The following SNX29 variants were observed in gnomAD, a reference collection of about 807,000 sequenced individuals.
SNX29 encodes sorting nexin-29.
SNX29 carries 78 observed loss-of-function variants against 102.1 expected under a neutral mutation model. The ratio of observed to expected loss-of-function variants is 0.76; its 90% CI spans 0.64 to 0.92. SNX29 has a LOEUF of 0.92. SNX29 is among the 40% of genes least tolerant of loss of function. The pLI, the probability that SNX29 is intolerant of heterozygous loss-of-function variation, is 0.00. For missense variants in SNX29, 1,280 were observed against 1,061.7 expected (o/e 1.21, Z -2.86); for synonymous variants, 580 against 414.5 (o/e 1.40, Z -4.85).
intron 13 of SNX29, among the ~76,000 whole-genome samples, chr16:12,158,360 C>A (rs906021619): frequency 6.6e-6 from 1 of 152,042 alleles, no homozygotes; most frequent in South Asian, 2.1e-4. Context: ...CCACCACACC[C>A]GGCTAATTTT....
rs1354351009 is a variant in SNX29 at position 12,150,814 on chromosome 16, T to TTTA, written c.1595+21058_1595+21060dup. On this transcript the variant is annotated intron_variant, in intron 13 of 20. Coordinates refer to ENST00000566228, the MANE Select transcript of SNX29 (RefSeq NM_032167.5). Reference sequence around the variant, plus strand: ...ATTGGGGCTAATTTGTTTTTGCTCTTTTATCTGAATTGGAAATTGCTCAGC... The same window carrying TTTA: ...ATTGGGGCTAATTTGTTTTTGCTCTTTTATTATCTGAATTGGAAATTGCTCAGC... 7.2e-5 allele frequency among the ~76,000 whole-genome samples: 11 copies of TTTA among 152,302 alleles called. No individual in the cohort carries two copies. In the South Asian group the frequency reaches 1.0e-3, roughly 14 times the overall value.
chr16:12,482,738 G>A, intron 19 of SNX29, among the ~76,000 whole-genome samples: 1 of 152,208 alleles, frequency 6.6e-6, no homozygotes, highest in East Asian at 1.9e-4. Context: ...TGTCAGATGA[G>A]TATCCTTCTA....
At chr16:12,051,288 C>A (rs1254003577) in intron 7 of SNX29, among the ~76,000 whole-genome samples, 1 of 150,440 alleles carries the variant, frequency 6.6e-6, no homozygotes, top group East Asian at 1.9e-4. Flanking sequence ...ATGATTGCAC[C>A]ATTGTACTCC....
chr16:12,212,328 C>T (rs79921791), intron 14 of SNX29, among the ~76,000 whole-genome samples: 2,106 of 152,294 alleles, frequency 0.014, 53 homozygotes, highest in African/African-American at 0.048. Flanking sequence ...AAAGCAGAAC[C>T]ATTGACTTTC....
At chr16:12,310,653 A>C (rs531200146) in intron 15 of SNX29, among the ~76,000 whole-genome samples, 1 of 152,242 alleles carries the variant, frequency 6.6e-6, no homozygotes, top group South Asian at 2.1e-4. Flanking sequence ...TGGCATTACC[A>C]GGAGTCTGAA....
At chr16:12,242,041 C>T (rs1047708094) in intron 14 of SNX29, among the ~76,000 whole-genome samples, 2 of 152,092 alleles carry the variant, frequency 1.3e-5, no homozygotes, top group Non-Finnish European at 2.9e-5. Context: ...GCCCAAGTCA[C>T]ATGCCACTCC....
intron 4 of SNX29, among the ~76,000 whole-genome samples, chr16:12,033,895 G>A (rs551244936): frequency 2.1e-4 from 32 of 152,194 alleles, no homozygotes; most frequent in African/African-American, 7.5e-4. Flanking sequence ...GCTCATCCTT[G>A]TAGCTCTAGT....
chr16:11,989,297 C>G (rs1249703051), intron 1 of SNX29, among the ~76,000 whole-genome samples: 1 of 152,086 alleles, frequency 6.6e-6, no homozygotes, highest in African/African-American at 2.4e-5. Context: ...TTGATGGTCC[C>G]CATTCTTTGC....
intron 15 of SNX29, among the ~76,000 whole-genome samples, chr16:12,317,516 T>C (rs2080789505): frequency 6.6e-6 from 1 of 152,180 alleles, no homozygotes; most frequent in Non-Finnish European, 1.5e-5. Flanking sequence ...AGAGCCACAG[T>C]GGCCTCAAGG....
At chr16:12,093,801 C>T (rs938183899) in intron 11 of SNX29, 1 of 152,166 alleles carries the variant, frequency 6.6e-6, no homozygotes, top group Admixed American at 6.5e-5. Context: ...CAATTGTGTG[C>T]AAAATCGTGC....
At chr16:12,447,317 AC>A (rs2086108541) in intron 18 of SNX29, among the ~76,000 whole-genome samples, 1 of 152,032 alleles carries the variant, frequency 6.6e-6, no homozygotes, top group Non-Finnish European at 1.5e-5. Context: ...TTTCTGTCTT[AC>A]CTTTTTCTGC....
At chr16:12,329,644 C>T (rs2081235896) in intron 15 of SNX29, among the ~76,000 whole-genome samples, 2 of 152,194 alleles carry the variant, frequency 1.3e-5, no homozygotes, top group Admixed American at 6.5e-5. Context: ...GTATTACCTT[C>T]GTGTCTATCC....
rs576456777 is a variant in SNX29, at chr16:12,399,625, G to A, written c.1955+1124G>A. Among the ~76,000 whole-genome samples the A allele has an allele frequency of 5.3e-5, 8 of 152,284 alleles. No individual in the cohort carries two copies. The East Asian group carries it at 1.4e-3, about 26-fold the overall frequency. On this transcript the variant is annotated intron_variant, in intron 17 of 20. Transcript: ENST00000566228. ...GCCTCACTTTCCTAATTTGTGAGGC[G>A]AAGGTCCTGATGCGAACCTTGCAGA... is the stretch of plus-strand genomic sequence containing the variant.
At chr16:12,140,250 G>C (rs2054823310) in intron 13 of SNX29, among the ~76,000 whole-genome samples, 1 of 152,172 alleles carries the variant, frequency 6.6e-6, no homozygotes, top group South Asian at 2.1e-4. Context: ...TTCTCTTGTG[G>C]TGACAAGAGG....
intron 15 of SNX29, among the ~76,000 whole-genome samples, chr16:12,314,440 C>T (rs1405748253): frequency 6.6e-6 from 1 of 152,244 alleles, no homozygotes; most frequent in East Asian, 1.9e-4. Context: ...ACTCTTGGCT[C>T]CGTGACTTCC....
At chr16:12,538,902 C>T (rs985940113) in intron 20 of SNX29, among the ~76,000 whole-genome samples, 4 of 104,886 alleles carry the variant, frequency 3.8e-5, no homozygotes, top group African/African-American at 2.1e-4. Context: ...GATTAATGAC[C>T]TGTTCTAAGT....
intron 16 of SNX29, among the ~76,000 whole-genome samples, chr16:12,384,568 G>T (rs1397314373): frequency 6.6e-6 from 1 of 152,126 alleles, no homozygotes; most frequent in African/African-American, 2.4e-5. Flanking sequence ...TGGATTATTA[G>T]ATTTTTTTCT....
chr16:12,182,336 C>T (rs2076405904), intron 13 of SNX29, among the ~76,000 whole-genome samples: 1 of 151,854 alleles, frequency 6.6e-6, no homozygotes, highest in South Asian at 2.1e-4. Flanking sequence ...GGACAAAGCA[C>T]AAAGGAAGGA....
At chr16:12,538,140 G>A (rs978025985) in intron 20 of SNX29, among the ~76,000 whole-genome samples, 2 of 152,016 alleles carry the variant, frequency 1.3e-5, no homozygotes, top group African/African-American at 2.4e-5. Flanking sequence ...TTTTGAGACG[G>A]AGTCTCACTC....
Sources: gnomAD v4.1 joint callset for allele counts (sites outside exome capture counted in the v4.1 genomes callset) on GRCh38, gnomAD v4.1.1 for gene constraint, MANE v1.5 for transcripts, NCBI Gene and HGNC (gene_info 2026-07-23, HGNC 2026-07-21) for gene names.